Variants in LBR observed in about 807,000 individuals in gnomAD.
The protein encoded by LBR is lamin B receptor.
A neutral mutation model predicts 74.3 loss-of-function variants in LBR; 28 were observed. That is an observed-to-expected ratio of 0.38 (90% CI 0.28 to 0.52). The LOEUF (loss-of-function observed/expected upper bound fraction) is 0.52, where lower values mean the gene tolerates loss of function less well. Among genes scored for constraint, LBR ranks in the 20% least tolerant of loss-of-function variants. LBR has a pLI of 0.89. For missense variants in LBR, 717 were observed against 760.3 expected (o/e 0.94, Z 0.67); for synonymous variants, 228 against 269.3 (o/e 0.85, Z 1.50).
intron 2 of LBR, 53 bp downstream of exon 2, chr1:225,423,858 A>C (rs982918188): frequency 4.6e-6 from 7 of 1,515,318 alleles, no homozygotes; most frequent in Non-Finnish European, 6.4e-6. Context: ...CCATACTTAG[A>C]GTTATTTCCC....
chr1:225,412,673 G>T lies in LBR; in HGVS notation c.893-28C>A, dbSNP rs770546062. 4.6e-6 allele frequency: 7 copies of T among 1,523,162 alleles called. No homozygotes were observed. The African/African-American group carries it at 9.7e-5, about 21-fold the overall frequency. The allele number at this position is 1,523,162 out of a possible 1,614,324, so 94.4% of individuals were successfully genotyped here. A position where few individuals can be genotyped will look rare whatever the true frequency, so the allele number is the denominator to read the frequency against. On this transcript the variant is annotated intron_variant, in intron 7 of 13. Transcript: ENST00000272163. ...TTAAAAAAAAAAAAAAAAGGAAGTG[G>T]AAAATTAATATTAACCCAAGGCTCA...
intron 11 of LBR, among the ~76,000 whole-genome samples, chr1:225,405,472 T>A (rs924718473): frequency 2.0e-5 from 3 of 152,202 alleles, no homozygotes; most frequent in Non-Finnish European, 2.9e-5. Flanking sequence ...ATGGACAGAT[T>A]AATGTGGCTA....
chr1:225,426,457 T>A (rs1009415067), intron 1 of LBR, among the ~76,000 whole-genome samples: 2 of 152,222 alleles, frequency 1.3e-5, no homozygotes, highest in African/African-American at 4.8e-5. Context: ...TCATTCGCCA[T>A]AAACAGGAAA....
At chr1:225,423,837 G>A (rs2096133312) in intron 2 of LBR, 74 bp downstream of exon 2, 10 of 1,410,934 alleles carry the variant, frequency 7.1e-6, no homozygotes, top group South Asian at 1.1e-5. Flanking sequence ...TGACTATCCT[G>A]AGCTTAGAAA....
intron 5 of LBR, 89 bp from the exon 6 acceptor site, chr1:225,418,269 C>A: frequency 2.2e-6 from 3 of 1,357,408 alleles, no homozygotes; most frequent in Non-Finnish European, 3.1e-6. Context: ...GATCAGAACT[C>A]GTTATCTGGC....
chr1:225,426,789 G>C (rs753285750), intron 1 of LBR, among the ~76,000 whole-genome samples: 4 of 152,184 alleles, frequency 2.6e-5, no homozygotes, highest in Non-Finnish European at 5.9e-5. Context: ...TGAAGCAACA[G>C]AAAGGCCACC....
intron 5 of LBR, among the ~76,000 whole-genome samples, chr1:225,418,425 G>C (rs2096121534): frequency 6.6e-6 from 1 of 151,348 alleles, no homozygotes; most frequent in Non-Finnish European, 1.5e-5. Context: ...GTCCAACATT[G>C]AATAGCTACA....
intron 11 of LBR, 51 bp downstream of exon 11, chr1:225,406,613 C>T: frequency 6.6e-7 from 1 of 1,508,378 alleles, no homozygotes; most frequent in South Asian, 1.2e-5. Flanking sequence ...GCATAAAAGC[C>T]TCAGTACATA....
At chr1:225,411,895 C>T (rs746842930) in intron 8 of LBR, among the ~76,000 whole-genome samples, 5 of 152,218 alleles carry the variant, frequency 3.3e-5, no homozygotes, top group African/African-American at 9.6e-5. Context: ...CTGCAACCTC[C>T]GCCTCCCACG....
intron 2 of LBR, among the ~76,000 whole-genome samples, chr1:225,423,701 G>C (rs1575231741): frequency 6.6e-6 from 1 of 152,186 alleles, no homozygotes; most frequent in Non-Finnish European, 1.5e-5. Flanking sequence ...GCAAATGGCT[G>C]TCTTTCCCAG....
At chr1:225,407,415 C>A (rs559717841) in intron 10 of LBR, among the ~76,000 whole-genome samples, 23 of 152,328 alleles carry the variant, frequency 1.5e-4, no homozygotes, top group African/African-American at 5.3e-4. Context: ...AATCTAATTT[C>A]TGTTCATAAT....
At position 225,404,798 on chromosome 1, in the gene LBR, G is replaced by T. The variant is rs1575218155; in HGVS notation, c.1484-92C>A. 2.0e-5 allele frequency: 20 copies of T among 982,718 alleles called. No individual in the cohort carries two copies. In the East Asian group the frequency reaches 4.9e-4, roughly 24 times the overall value. The allele number at this position is 982,718 out of a possible 1,614,324, so 60.9% of individuals were successfully genotyped here. Reference sequence around the variant, plus strand: ...AATTTCTCTTAAAAATGATTTCTATGCTCTGAGGAAATTTCCAAAGCAGAC... The same window carrying T: ...AATTTCTCTTAAAAATGATTTCTATTCTCTGAGGAAATTTCCAAAGCAGAC... On this transcript the variant is annotated intron_variant, in intron 11 of 13. Coordinates refer to ENST00000272163, the MANE Select transcript of LBR (RefSeq NM_002296.4).
Position 225,418,013 on chromosome 1 carries a change from C to T in LBR, c.808G>A (p.Val270Ile), listed in dbSNP as rs571188946. 1 of 1,614,144 alleles carries T rather than the reference C, an allele frequency of 6.2e-7. No homozygotes were observed. Among genetic ancestry groups the T allele is most frequent in the African/African-American group, 1.3e-5 (1 of 75,040 alleles). Reference protein sequence around the residue: ...GVYLLWFLIQVLFYLLPIGKV... With the variant: ...GVYLLWFLIQILFYLLPIGKV... Reference sequence around the variant, plus strand: ...CCAATTGGCAGTAGGTAGAACAGGACTTGAATCAAAAACCACAGGAGGTAG... The same window carrying T: ...CCAATTGGCAGTAGGTAGAACAGGATTTGAATCAAAAACCACAGGAGGTAG... Residue 270 changes from valine to isoleucine, a missense_variant, in exon 6 of 14, where the codon GTC becomes ATC. Coordinates refer to ENST00000272163, the MANE Select transcript of LBR (RefSeq NM_002296.4).
At chr1:225,426,113 AAAAC>A (rs1351380408) in intron 1 of LBR, among the ~76,000 whole-genome samples, 4 of 152,228 alleles carry the variant, frequency 2.6e-5, no homozygotes, top group Non-Finnish European at 2.9e-5. Context: ...ATTTGCTTGA[AAAAC>A]AAACAAAATG....
intron 5 of LBR, among the ~76,000 whole-genome samples, chr1:225,418,719 C>T (rs1484717017): frequency 6.6e-6 from 1 of 152,208 alleles, no homozygotes; most frequent in African/African-American, 2.4e-5. Flanking sequence ...GCCATTTAGA[C>T]AAGAAGTCTT....
In LBR at chr1:225,412,618, G is replaced by A. The variant is rs1259631860; in HGVS notation, c.920C>T (p.Ala307Val). ...NGFYAFILTS[A>V]VIGTSLFQGV... ...CTGGAAGAGAGATGTTCCGATGACT[G>A]CAGATGTCAGGATAAAAGCATAGAA... Residue 307 changes from alanine to valine, a missense_variant, in exon 8 of 14, where the codon GCA becomes GTA. Transcript: ENST00000272163. The A allele has an allele frequency of 1.2e-6, 2 of 1,610,002 alleles. No homozygotes were observed. The highest frequency in any genetic ancestry group is 8.5e-7 in the Non-Finnish European group (1 of 1,178,126).
chr1:225,404,364 G>T (rs762732834), intron 13 of LBR, 40 bp downstream of exon 13: 1 of 1,612,660 alleles, frequency 6.2e-7, no homozygotes, highest in Admixed American at 1.7e-5. Context: ...TCTTTCTGGC[G>T]GCTAAAAGGG....
chr1:225,422,201 C>T lies in LBR; in HGVS notation c.242G>A (p.Arg81Lys), dbSNP rs2096128790. 6.2e-7 allele frequency: 1 copy of T among 1,613,996 alleles called. No homozygotes were observed. Among genetic ancestry groups the T allele is most frequent in the African/African-American group, 1.3e-5 (1 of 75,004 alleles). ...TCGACCAGGGGATCGGGAGCGTGAC[C>T]TTGATCGACTCCCTCGGCGTCTGGA... is the stretch of plus-strand genomic sequence containing the variant. The part of the protein sequence containing the change: ...SPSRRRGSRS[R>K]SRSRSPGRPP... The change falls in exon 3 of 14, where the codon AGG (arginine) becomes AAG (lysine). Residue 81 changes from arginine to lysine, a missense_variant. Physicochemically the swap from Arg to Lys is conservative, Grantham distance 26. Transcript: ENST00000272163.
intron 7 of LBR, chr1:225,413,994 A>G (rs1214737899): frequency 4.4e-6 from 2 of 456,770 alleles, no homozygotes; most frequent in East Asian, 1.4e-4. Flanking sequence ...AAACACTGAA[A>G]TCAAAGGACC....
Sources: allele counts gnomAD v4.1 joint callset (sites outside exome capture counted in the v4.1 genomes callset), GRCh38; gene constraint gnomAD v4.1.1; transcripts MANE v1.5; gene names NCBI Gene and HGNC (gene_info 2026-07-23, HGNC 2026-07-21).